Variants in EGFR observed in about 807,000 individuals in gnomAD.
EGFR encodes the protein epidermal growth factor receptor.
Under a neutral mutation model 143.0 loss-of-function variants are expected in EGFR, and 58 were observed. The observed-to-expected ratio is 0.41, with a 90% CI of 0.33 to 0.50. EGFR has a LOEUF of 0.50. EGFR is among the 20% of genes least tolerant of loss of function. The pLI is 0.39. For synonymous variants in EGFR, 613 were observed against 594.4 expected (o/e 1.03, Z -0.45); for missense variants, 1,307 against 1,579.0 (o/e 0.83, Z 2.92).
rs971728922 is a variant in EGFR, at chr7:55,019,549, G to T, written c.88+184G>T. Among the ~76,000 whole-genome samples the T allele has an allele frequency of 5.2e-4, 79 of 152,082 alleles. 1 individual carries two copies. The highest frequency in any genetic ancestry group is 1.9e-4 in the Non-Finnish European group (13 of 67,988). ...GGAGGAACGGGACGTTTCGTTCTTC[G>T]GCCGGGAGAGTCTGGGGCGGGCGGA... On this transcript the variant is annotated intron_variant, in intron 1 of 27. Coordinates refer to ENST00000275493, the MANE Select transcript of EGFR (RefSeq NM_005228.5).
At chr7:55,022,716 A>G (rs1220680972) in intron 1 of EGFR, among the ~76,000 whole-genome samples, 1 of 152,262 alleles carries the variant, frequency 6.6e-6, no homozygotes, top group Non-Finnish European at 1.5e-5. Context: ...AGCACAGAAT[A>G]CAAGAAACTG....
chr7:55,085,332 T>A (rs1316540059), intron 1 of EGFR, among the ~76,000 whole-genome samples: 2 of 152,296 alleles, frequency 1.3e-5, no homozygotes, highest in East Asian at 3.9e-4. Flanking sequence ...AAAACCTCCA[T>A]GTGGCTCCTG....
intron 1 of EGFR, among the ~76,000 whole-genome samples, chr7:55,093,694 A>G (rs559139088): frequency 1.3e-5 from 2 of 152,286 alleles, no homozygotes; most frequent in African/African-American, 4.8e-5. Context: ...ACTCATTCCA[A>G]TTTTGATGGA....
At chr7:55,131,952 A>AT (rs1793865049) in intron 1 of EGFR, among the ~76,000 whole-genome samples, 1 of 151,500 alleles carries the variant, frequency 6.6e-6, no homozygotes, top group African/African-American at 2.4e-5. Flanking sequence ...AAAAAAAAAA[A>AT]AAAAAGAAGC....
At chr7:55,195,516 A>AT (rs1562801271) in intron 22 of EGFR, among the ~76,000 whole-genome samples, 1 of 152,086 alleles carries the variant, frequency 6.6e-6, no homozygotes. Context: ...AGTACCTGAC[A>AT]TTTTTTTAAC....
intron 20 of EGFR, 58 bp downstream of exon 20, chr7:55,181,536 G>A (rs1021023866): frequency 3.1e-6 from 5 of 1,606,694 alleles, no homozygotes; most frequent in East Asian, 2.2e-5. Context: ...CCTCACATGC[G>A]GTCTGCGCTC....
intron 3 of EGFR, among the ~76,000 whole-genome samples, chr7:55,145,060 T>A (rs1425037020): frequency 1.3e-5 from 2 of 152,212 alleles, no homozygotes; most frequent in Non-Finnish European, 2.9e-5. Flanking sequence ...ATAGCTAACC[T>A]AGTGCCTGCT....
At chr7:55,079,234 G>A (rs1790322465) in intron 1 of EGFR, among the ~76,000 whole-genome samples, 1 of 152,212 alleles carries the variant, frequency 6.6e-6, no homozygotes. Flanking sequence ...GGAGAGGCCA[G>A]GCACGGGGTG....
At chr7:55,204,535 C>T (rs56004475) in intron 27 of EGFR, among the ~76,000 whole-genome samples, 26,496 of 142,914 alleles carry the variant, frequency 0.19, 2,952 homozygotes, top group East Asian at 0.46. Flanking sequence ...CACACATACG[C>T]ATATATACAC....
intron 1 of EGFR, among the ~76,000 whole-genome samples, chr7:55,096,056 G>C (rs1285398815): frequency 2.0e-5 from 3 of 152,048 alleles, no homozygotes; most frequent in Non-Finnish European, 2.9e-5. Context: ...GGAGGAGAAA[G>C]AGATAAAGAT....
intron 1 of EGFR, among the ~76,000 whole-genome samples, chr7:55,054,735 C>T (rs1383486912): frequency 6.6e-6 from 1 of 152,206 alleles, no homozygotes; most frequent in African/African-American, 2.4e-5. Context: ...TGGGCAGCAC[C>T]GTGCCTCCGT....
At chr7:55,087,105 C>G (rs924054331) in intron 1 of EGFR, among the ~76,000 whole-genome samples, 1 of 151,820 alleles carries the variant, frequency 6.6e-6, no homozygotes, top group Non-Finnish European at 1.5e-5. Context: ...ATTTTCCCCC[C>G]GCGCTGTGAG....
intron 1 of EGFR, among the ~76,000 whole-genome samples, chr7:55,041,183 C>T (rs1787875552): frequency 6.6e-6 from 1 of 152,292 alleles, no homozygotes. Context: ...GAGTCTGAGG[C>T]GGGTGGATCA....
chr7:55,103,535 T>A (rs935213596), intron 1 of EGFR, among the ~76,000 whole-genome samples: 2 of 152,222 alleles, frequency 1.3e-5, no homozygotes, highest in Non-Finnish European at 1.5e-5. Context: ...CTGGCAGATT[T>A]TCATTTAAAG....
intron 12 of EGFR, among the ~76,000 whole-genome samples, chr7:55,161,079 C>T (rs1045618057): frequency 6.6e-6 from 1 of 152,228 alleles, no homozygotes; most frequent in Non-Finnish European, 1.5e-5. Context: ...TCAAAACACA[C>T]CCTGTGCCCA....
intron 1 of EGFR, among the ~76,000 whole-genome samples, chr7:55,079,588 TTTTG>T (rs141268796): frequency 0.27 from 40,623 of 151,788 alleles, 6,902 homozygotes; most frequent in East Asian, 0.86. Flanking sequence ...TATGGCGTTT[TTTTG>T]TTTGTTTGTT....
chr7:55,088,658 G>A (rs1468717203), intron 1 of EGFR, among the ~76,000 whole-genome samples: 1 of 152,220 alleles, frequency 6.6e-6, no homozygotes, highest in Admixed American at 6.5e-5. Context: ...GTGATTATCA[G>A]GGGAGCTTCC....
At chr7:55,175,794 TTTA>T (rs1429312643) in intron 19 of EGFR, among the ~76,000 whole-genome samples, 3 of 152,222 alleles carry the variant, frequency 2.0e-5, no homozygotes, top group Non-Finnish European at 4.4e-5. Context: ...AACATGGGCC[TTTA>T]TAAAAATGTC....
chr7:55,109,937 A>C (rs1792370674), intron 1 of EGFR: 3 of 985,368 alleles, frequency 3.0e-6, no homozygotes, highest in Non-Finnish European at 3.6e-6. Flanking sequence ...CTCCGCGCTG[A>C]GAAGGTTATC....
Sources: allele counts gnomAD v4.1 joint callset (sites outside exome capture counted in the v4.1 genomes callset), GRCh38; gene constraint gnomAD v4.1.1; transcripts MANE v1.5; gene names NCBI Gene and HGNC (gene_info 2026-07-23, HGNC 2026-07-21).